FER1L6: variants seen among roughly 807,000 people sequenced by gnomAD.
FER1L6 encodes the protein fer-1 like family member 6, also known as fer-1-like protein 6.
Under a neutral mutation model 219.2 loss-of-function variants are expected in FER1L6, and 177 were observed. That is an observed-to-expected ratio of 0.81 (90% CI 0.71 to 0.91). The LOEUF is 0.91. Among genes scored for constraint, FER1L6 ranks in the 40% least tolerant of loss-of-function variants. FER1L6 has a pLI of 0.00. For synonymous variants in FER1L6, 768 were observed against 824.3 expected, an observed-to-expected ratio of 0.93 and a Z score of 1.17; for missense variants, 2,153 against 2,259.9, an observed-to-expected ratio of 0.95 and a Z score of 0.96.
intron 39 of FER1L6, among the ~76,000 whole-genome samples, chr8:124,106,412 T>G (rs1350919668): frequency 2.7e-5 from 4 of 146,062 alleles, no homozygotes; most frequent in Non-Finnish European, 6.0e-5. Context: ...TTAAAAGCAA[T>G]GTTAGTGGAA....
chr8:124,010,133 C>T (rs889513999), intron 13 of FER1L6, among the ~76,000 whole-genome samples: 1 of 150,758 alleles, frequency 6.6e-6, no homozygotes, highest in African/African-American at 2.4e-5. Context: ...GTTTTAGGGT[C>T]GTGGAGCTGC....
intron 1 of FER1L6, among the ~76,000 whole-genome samples, chr8:123,930,855 C>G (rs1290952731): frequency 6.6e-6 from 1 of 152,172 alleles, no homozygotes; most frequent in South Asian, 2.1e-4. Flanking sequence ...CCTCTGATGA[C>G]TTGGGATGGA....
At chr8:123,918,598 G>A (rs1295107193) in intron 1 of FER1L6, among the ~76,000 whole-genome samples, 1 of 150,886 alleles carries the variant, frequency 6.6e-6, no homozygotes, top group Non-Finnish European at 1.5e-5. Context: ...GGAGGTTGAG[G>A]TTTAGCTGAA....
intron 33 of FER1L6, among the ~76,000 whole-genome samples, chr8:124,083,050 G>A (rs982394742): frequency 3.3e-5 from 5 of 151,440 alleles, no homozygotes; most frequent in African/African-American, 1.2e-4. Context: ...ACATATATAT[G>A]GGGTATATGA....
chr8:123,912,917 G>A (rs929311487), intron 1 of FER1L6, among the ~76,000 whole-genome samples: 2 of 152,208 alleles, frequency 1.3e-5, no homozygotes, highest in African/African-American at 4.8e-5. Flanking sequence ...AGGCAGTGTG[G>A]TCTGAGCGAT....
At chr8:124,069,593 C>T in intron 29 of FER1L6, 118 bp downstream of exon 29, 1 of 678,732 alleles carries the variant, frequency 1.5e-6, no homozygotes, top group Non-Finnish European at 2.4e-6. Context: ...TCTTCATTGT[C>T]ACCGATGTAG....
Position 124,119,602 on chromosome 8 carries a change from C to G in FER1L6, c.5391-5C>G. The G allele has an allele frequency of 6.2e-7, 1 of 1,605,464 alleles. No homozygotes were observed. The highest frequency in any genetic ancestry group is 8.5e-7 in the Non-Finnish European group (1 of 1,172,838). On this transcript the variant is annotated splice_polypyrimidine_tract_variant and splice_region_variant and intron_variant, in intron 40 of 40. Coordinates refer to ENST00000522917, the MANE Select transcript of FER1L6 (RefSeq NM_001039112.2). The stretch of plus-strand genomic sequence containing the variant: ...CTTTTTGATTTTCTCTTCCTTCCCC[C>G]TCAGCCGCCCAGACACCTCCTTTTC...
intron 21 of FER1L6, 87 bp from the exon 22 acceptor site, chr8:124,049,520 T>C (rs1747333048): frequency 7.0e-7 from 1 of 1,426,710 alleles, no homozygotes. Context: ...TTGTGGAGGT[T>C]ATTTTGTGGA....
chr8:124,073,308 G>A (rs1271626153), intron 31 of FER1L6, among the ~76,000 whole-genome samples: 2 of 152,194 alleles, frequency 1.3e-5, no homozygotes, highest in African/African-American at 4.8e-5. Context: ...TAGCATGGGG[G>A]ACGGAGGCCT....
chr8:123,862,651 T>G (rs1816766749), intron 1 of FER1L6, among the ~76,000 whole-genome samples: 1 of 145,158 alleles, frequency 6.9e-6, no homozygotes, highest in African/African-American at 2.7e-5. Flanking sequence ...TTGCCACAAT[T>G]TCAGCTCCTG....
chr8:123,868,415 G>A (rs1445775849), intron 1 of FER1L6, among the ~76,000 whole-genome samples: 1 of 152,160 alleles, frequency 6.6e-6, no homozygotes, highest in Non-Finnish European at 1.5e-5. Flanking sequence ...CGGGCCTCTT[G>A]CTAGATGGAG....
Position 123,873,581 on chromosome 8 carries a change from C to T in FER1L6, c.-8+21396C>T, listed in dbSNP as rs144194181. Among the ~76,000 whole-genome samples the T allele has an allele frequency of 7.8e-4, 119 of 152,276 alleles. No individual in the cohort carries two copies. In the Middle Eastern group the frequency reaches 0.01, roughly 13 times the overall value. On this transcript the variant is annotated intron_variant, in intron 1 of 40. Transcript: ENST00000522917. Reference sequence around the variant, plus strand: ...CTCCTTCTAGCTCTGAAGTACTTGTCATCAGATTAAAGCATCTGCTAGCCT... The same window carrying T: ...CTCCTTCTAGCTCTGAAGTACTTGTTATCAGATTAAAGCATCTGCTAGCCT...
intron 1 of FER1L6, among the ~76,000 whole-genome samples, chr8:123,873,119 T>G (rs894513301): frequency 4.6e-5 from 7 of 152,164 alleles, no homozygotes; most frequent in African/African-American, 1.7e-4. Flanking sequence ...CTTCCCTCCC[T>G]CTAACACTCA....
intron 1 of FER1L6, among the ~76,000 whole-genome samples, chr8:123,940,087 T>A (rs908258654): frequency 6.6e-6 from 1 of 152,206 alleles, no homozygotes; most frequent in African/African-American, 2.4e-5. Flanking sequence ...GTGCTAGGCA[T>A]CTAATAGGCA....
chr8:124,001,922 G>A (rs371294869), intron 12 of FER1L6, among the ~76,000 whole-genome samples: 3 of 152,204 alleles, frequency 2.0e-5, no homozygotes, highest in African/African-American at 4.8e-5. Flanking sequence ...TCCCAGAAAC[G>A]AAACTTGGGA....
intron 15 of FER1L6, among the ~76,000 whole-genome samples, chr8:124,016,570 T>C (rs1159996680): frequency 6.6e-6 from 1 of 152,254 alleles, no homozygotes; most frequent in Non-Finnish European, 1.5e-5. Flanking sequence ...GACTTTTTTC[T>C]GTGCATTTGG....
intron 1 of FER1L6, among the ~76,000 whole-genome samples, chr8:123,941,253 A>G (rs1814227866): frequency 6.6e-6 from 1 of 152,240 alleles, no homozygotes; most frequent in Non-Finnish European, 1.5e-5. Flanking sequence ...GAGAGCTTAG[A>G]TAGAACCAGG....
chr8:124,113,992 T>C (rs532221534), intron 39 of FER1L6, among the ~76,000 whole-genome samples: 5 of 152,328 alleles, frequency 3.3e-5, no homozygotes, highest in South Asian at 2.1e-4. Context: ...CGTGGTGGTG[T>C]GGGGAATTCC....
At chr8:124,029,796 T>C (rs1264052708) in intron 18 of FER1L6, among the ~76,000 whole-genome samples, 2 of 152,262 alleles carry the variant, frequency 1.3e-5, no homozygotes, top group African/African-American at 2.4e-5. Flanking sequence ...ATTTCTGCTT[T>C]TGTTGCAGTT....
Sources: gnomAD v4.1 joint callset for allele counts (sites outside exome capture counted in the v4.1 genomes callset) on GRCh38, gnomAD v4.1.1 for gene constraint, MANE v1.5 for transcripts, NCBI Gene and HGNC (gene_info 2026-07-23, HGNC 2026-07-21) for gene names.